Variants in AOPEP observed in about 807,000 individuals in gnomAD.
The protein encoded by AOPEP is aminopeptidase O (putative), also known as aminopeptidase O.
Under a neutral mutation model 98.1 loss-of-function variants are expected in AOPEP, and 77 were observed. The ratio of observed to expected loss-of-function variants is 0.78; its 90% CI spans 0.65 to 0.95. The LOEUF (loss-of-function observed/expected upper bound fraction) is 0.95. AOPEP is among the 40% of genes least tolerant of loss of function. The probability of loss-of-function intolerance (pLI) is 0.00; values close to 1 mark genes in which losing one functional copy is unlikely to be tolerated. For synonymous variants in AOPEP, 346 were observed against 365.3 expected (o/e 0.95, Z 0.60); for missense variants, 1,024 against 1,024.7 (o/e 1.00, Z 0.01).
chr9:94,917,884 C>T (rs2053059744), intron 5 of AOPEP, among the ~76,000 whole-genome samples: 1 of 152,120 alleles, frequency 6.6e-6, no homozygotes, highest in Non-Finnish European at 1.5e-5. Flanking sequence ...CTATCTGCTT[C>T]CTTCATCTCC....
the AOPEP span, chr9:95,126,905 G>A: frequency 1.8e-5 from 6 of 339,230 alleles, no homozygotes; most frequent in East Asian, 6.5e-5. Flanking sequence ...CCCGCATGCC[G>A]TGGAGCCTGC....
intron 2 of AOPEP, among the ~76,000 whole-genome samples, chr9:94,764,325 G>T (rs541718558): frequency 2.0e-5 from 3 of 152,268 alleles, no homozygotes; most frequent in East Asian, 1.9e-4. Context: ...GTCAAGAGGA[G>T]CCTGAGGAGA....
intron 1 of AOPEP, among the ~76,000 whole-genome samples, chr9:94,743,193 A>AGAAGAAGAGGAAGAAGAGGAAGAAGAG (rs201608054): frequency 1.3e-4 from 16 of 121,998 alleles, no homozygotes; most frequent in South Asian, 3.0e-4. Context: ...AAGAAGAAGA[A>AGAAGAAGAGGAAGAAGAGGAAGAAGAG]GAAGAAGAGG....
At chr9:94,901,823 C>T (rs922550798) in intron 5 of AOPEP, among the ~76,000 whole-genome samples, 6 of 152,012 alleles carry the variant, frequency 3.9e-5, no homozygotes, top group African/African-American at 1.4e-4. Flanking sequence ...CATCTGTAAT[C>T]TTAGCTACTT....
the AOPEP span, chr9:95,101,724 G>A: frequency 3.1e-6 from 5 of 1,613,938 alleles, no homozygotes; most frequent in African/African-American, 1.3e-5. Context: ...TGAGTTCGCA[G>A]CTCTTTAAGG....
intron 5 of AOPEP, among the ~76,000 whole-genome samples, chr9:94,831,458 C>T (rs1855945751): frequency 6.6e-6 from 1 of 152,088 alleles, no homozygotes; most frequent in African/African-American, 2.4e-5. Context: ...TTACTGTAGC[C>T]TTGTAGTGTA....
intron 5 of AOPEP, among the ~76,000 whole-genome samples, chr9:94,841,266 C>G (rs567009057): frequency 6.6e-6 from 1 of 151,524 alleles, no homozygotes; most frequent in East Asian, 2.0e-4. Flanking sequence ...CCCCCTCCTG[C>G]GTTCAAGTAA....
the AOPEP span, chr9:95,150,110 TC>T: frequency 6.2e-7 from 1 of 1,613,480 alleles, no homozygotes; most frequent in Non-Finnish European, 8.5e-7. Flanking sequence ...TAAGAAATAA[TC>T]ACTCAAATCT....
chr9:94,954,828 T>C (rs1457247103), intron 7 of AOPEP, among the ~76,000 whole-genome samples: 1 of 152,210 alleles, frequency 6.6e-6, no homozygotes, highest in East Asian at 1.9e-4. Context: ...GTTCTTTACT[T>C]TTCCAAGTAA....
At chr9:94,903,673 C>T (rs2050733508) in intron 5 of AOPEP, among the ~76,000 whole-genome samples, 1 of 149,118 alleles carries the variant, frequency 6.7e-6, no homozygotes, top group African/African-American at 2.5e-5. Context: ...TGGTGGCATG[C>T]ACCTGTAGTC....
In AOPEP at chr9:94,773,076, T is replaced by G; in HGVS notation, c.872T>G (p.Met291Arg). Residue 291 changes from methionine to arginine, a missense_variant, in exon 3 of 17, where the codon ATG becomes AGG. Physicochemically the swap from Met to Arg is moderately conservative, Grantham distance 91 (BLOSUM62 -1). Coordinates refer to ENST00000375315, the MANE Select transcript of AOPEP (RefSeq NM_001193329.3). ...LFPCQEPPVA[M>R]STWQATVRAA... ...CCATGCCAGGAGCCACCCGTTGCCA[T>G]GTCAACATGGCAGGCTACAGTTCGA... 1 of 1,614,172 alleles carries G rather than the reference T, an allele frequency of 6.2e-7. No homozygotes were observed. The highest frequency in any genetic ancestry group is 8.5e-7 in the Non-Finnish European group (1 of 1,180,030).
chr9:95,048,373 T>G (rs2066023382), intron 13 of AOPEP, among the ~76,000 whole-genome samples: 1 of 150,660 alleles, frequency 6.6e-6, no homozygotes. Flanking sequence ...GTTGAAGTGC[T>G]GAGATGAGAA....
At chr9:94,735,907 A>T (rs924991114) in intron 1 of AOPEP, among the ~76,000 whole-genome samples, 1 of 152,156 alleles carries the variant, frequency 6.6e-6, no homozygotes, top group African/African-American at 2.4e-5. Flanking sequence ...TGTAAATGTA[A>T]TCATAGAATA....
At chr9:94,801,332 ATAAT>A (rs1482598686) in intron 5 of AOPEP, among the ~76,000 whole-genome samples, 1 of 152,248 alleles carries the variant, frequency 6.6e-6, no homozygotes, top group Non-Finnish European at 1.5e-5. Context: ...TGATGACAGC[ATAAT>A]GCTAATGAGC....
intron 5 of AOPEP, among the ~76,000 whole-genome samples, chr9:94,862,445 T>C (rs1009839275): frequency 6.6e-6 from 1 of 152,202 alleles, no homozygotes; most frequent in African/African-American, 2.4e-5. Context: ...AACCATGTCC[T>C]GAGAAAAGGG....
chr9:94,982,879 G>A (rs1047443940), intron 11 of AOPEP, among the ~76,000 whole-genome samples: 5 of 152,002 alleles, frequency 3.3e-5, no homozygotes, highest in Non-Finnish European at 5.9e-5. Context: ...CGGCCCCATA[G>A]CCATATATTC....
At position 95,055,216 on chromosome 9, in the gene AOPEP, C is replaced by G. The variant is rs569934553; in HGVS notation, c.2116-5478C>G. ...ATTATTAAGTTGTCTACTTTTGTTT[C>G]TTAGAAATGTTTATCATTTAAAAAG... On this transcript the variant is annotated intron_variant, in intron 13 of 16. Coordinates refer to ENST00000375315, the MANE Select transcript of AOPEP (RefSeq NM_001193329.3). Among the ~76,000 whole-genome samples the G allele has an allele frequency of 1.5e-3, 228 of 152,214 alleles. 2 individuals carry two copies. Among genetic ancestry groups the G allele is most frequent in the African/African-American group, 5.2e-3 (218 of 41,526 alleles).
At chr9:95,083,630 GCACA>G (rs1453324628) in intron 16 of AOPEP, among the ~76,000 whole-genome samples, 2 of 145,700 alleles carry the variant, frequency 1.4e-5, no homozygotes, top group Non-Finnish European at 3.0e-5. Context: ...ACTGCATGCA[GCACA>G]CACACCACAC....
chr9:94,879,494 T>G (rs1348499211), intron 5 of AOPEP, among the ~76,000 whole-genome samples: 2 of 152,220 alleles, frequency 1.3e-5, no homozygotes, highest in African/African-American at 4.8e-5. Context: ...CTTATTTAAC[T>G]GCTTTTAACT....
Sources: gnomAD v4.1 joint callset for allele counts (sites outside exome capture counted in the v4.1 genomes callset) on GRCh38, gnomAD v4.1.1 for gene constraint, MANE v1.5 for transcripts, NCBI Gene and HGNC (gene_info 2026-07-23, HGNC 2026-07-21) for gene names.